The following PCDHGA1 variants were observed in gnomAD, a reference collection of about 807,000 sequenced individuals.
PCDHGA1 encodes protocadherin gamma subfamily A, 1.
Under a neutral mutation model 58.0 loss-of-function variants are expected in PCDHGA1, and 32 were observed. The ratio of observed to expected loss-of-function variants is 0.55; its 90% confidence interval spans 0.42 to 0.74. PCDHGA1 has a LOEUF of 0.74. Among genes scored for constraint, PCDHGA1 ranks in the 30% least tolerant of loss-of-function variants. PCDHGA1 has a pLI of 0.00. For synonymous variants in PCDHGA1, 498 were observed against 501.1 expected (o/e 0.99, Z 0.08); for missense variants, 1,205 against 1,182.3 (o/e 1.02, Z -0.28).
chr5:141,422,661 C>T (rs1289162498), intron 1 of PCDHGA1: 7 of 1,608,938 alleles, frequency 4.4e-6, no homozygotes, highest in Admixed American at 1.7e-5. Flanking sequence ...TGACCGCCCT[C>T]GACCCGGACA....
intron 1 of PCDHGA1, chr5:141,410,849 CTTTT>C (rs759346998): frequency 4.9e-3 from 673 of 137,520 alleles, no homozygotes; most frequent in South Asian, 8.7e-3. Flanking sequence ...TTGTCTTTGT[CTTTT>C]TTTTTTTTTT....
intron 1 of PCDHGA1, among the ~76,000 whole-genome samples, chr5:141,460,653 G>A (rs10058370): frequency 0.17 from 25,559 of 151,914 alleles, 2,196 homozygotes; most frequent in South Asian, 0.22. Flanking sequence ...TTACACATAT[G>A]TAACTGTAAA....
rs761988261 is a variant in PCDHGA1 at position 141,332,211 on chromosome 5, C to T, written c.1527C>T (p.Ser509=). The change falls in exon 1 of 4, where the codon TCC becomes TCT. Residue 509 remains serine (S), a synonymous_variant. Transcript: ENST00000517417. The surrounding 1 kb of genome is among the most constrained non-coding windows in gnomAD (Gnocchi z 4.6). ...APLSAYLSIN[S]DTGVLYALRS... is the part of the protein sequence containing the mutation. ...TATCTGCCTACCTCTCCATCAACTC[C>T]GACACTGGGGTCCTGTATGCGCTGC... 13 of 1,614,092 alleles carry T rather than the reference C, an allele frequency of 8.1e-6. No homozygotes were observed. The highest frequency in any genetic ancestry group is 1.1e-5 in the Non-Finnish European group (13 of 1,180,046).
At chr5:141,404,720 A>C in intron 1 of PCDHGA1, 1 of 1,613,804 alleles carries the variant, frequency 6.2e-7, no homozygotes, top group Non-Finnish European at 8.5e-7. Flanking sequence ...CCTGGTGACC[A>C]AGGTGGTGGC....
At chr5:141,370,453 T>G in intron 1 of PCDHGA1, 1 of 1,611,650 alleles carries the variant, frequency 6.2e-7, no homozygotes, top group Non-Finnish European at 8.5e-7. Flanking sequence ...CTATTTCTCT[T>G]CCTGCTCTCT....
In PCDHGA1 at chr5:141,490,706, T is replaced by C. The variant is rs777636562; in HGVS notation, c.2422-4101T>C. On this transcript the variant is annotated intron_variant, in intron 1 of 3. Coordinates refer to ENST00000517417, the MANE Select transcript of PCDHGA1 (RefSeq NM_018912.3). This position sits in a 1 kb window ranked among gnomAD's most constrained non-coding sequence, Gnocchi z 5.4. ...CCAGACACTGGGGATAATGCCCGCC[T>C]CACCTACTCCATTGTAGGAAATCAG... is the stretch of plus-strand genomic sequence containing the variant. The C allele has an allele frequency of 6.2e-7, 1 of 1,614,074 alleles. No homozygotes were observed. Among genetic ancestry groups the C allele is most frequent in the African/African-American group, 1.3e-5 (1 of 74,948 alleles).
intron 1 of PCDHGA1, chr5:141,361,712 G>A (rs1306730531): frequency 1.9e-6 from 3 of 1,613,282 alleles, no homozygotes; most frequent in Non-Finnish European, 2.5e-6. Context: ...GAGCAGCTGC[G>A]CGCCTTCGAG....
chr5:141,375,526 G>A (rs377448744), intron 1 of PCDHGA1: 1 of 1,614,008 alleles, frequency 6.2e-7, no homozygotes, highest in Non-Finnish European at 8.5e-7. Flanking sequence ...ACCCTGACGT[G>A]GACCAGAACG....
chr5:141,420,244 C>A lies in PCDHGA1; in HGVS notation c.2422-74563C>A, dbSNP rs755775597. On this transcript the variant is annotated intron_variant, in intron 1 of 3. Coordinates refer to ENST00000517417, the MANE Select transcript of PCDHGA1 (RefSeq NM_018912.3). ...TACTGGCTAGCATTTTAACTCCCAGCGTTGAAGCAGATAAGAAGATTCTTA... is the reference window on the plus strand; with the variant it reads ...TACTGGCTAGCATTTTAACTCCCAGAGTTGAAGCAGATAAGAAGATTCTTA... 83 of 1,584,438 alleles carry A rather than the reference C, an allele frequency of 5.2e-5. 1 individual carries two copies. The South Asian group carries it at 9.4e-4, about 18-fold the overall frequency.
intron 1 of PCDHGA1, among the ~76,000 whole-genome samples, chr5:141,465,140 G>A (rs1019369475): frequency 5.3e-5 from 8 of 151,554 alleles, no homozygotes; most frequent in Non-Finnish European, 7.4e-5. Context: ...AAGTTTAGGG[G>A]ATATATGAAG....
At chr5:141,422,503 A>G (rs2096653107) in intron 1 of PCDHGA1, 2 of 1,613,924 alleles carry the variant, frequency 1.2e-6, no homozygotes, top group Non-Finnish European at 1.7e-6. Context: ...GTTGACAGCC[A>G]CAGACCAGGG....
At chr5:141,385,577 T>A in intron 1 of PCDHGA1, 1 of 1,290,108 alleles carries the variant, frequency 7.8e-7, no homozygotes, top group Non-Finnish European at 9.8e-7. Context: ...TACTTTCCAA[T>A]CTATGTTCCA....
In PCDHGA1 at chr5:141,487,829, C is replaced by T. The variant is rs528435429; in HGVS notation, c.2422-6978C>T. On this transcript the variant is annotated intron_variant, in intron 1 of 3. Transcript: ENST00000517417. The surrounding 1 kb of genome is among the most constrained non-coding windows in gnomAD (Gnocchi z 5.0). ...GTTTAGCATTGGGGGCGGGTCATGC[C>T]TATATCTGAGTAAGAAATGAAAGTA... The T allele has an allele frequency of 1.1e-4, 125 of 1,182,994 alleles. No homozygotes were observed. In the Middle Eastern group the frequency reaches 3.7e-3, roughly 35 times the overall value. 73.3% of individuals were successfully genotyped at this position (1,182,994 alleles called of 1,614,324 possible).
At chr5:141,361,494 A>G (rs760056101) in intron 1 of PCDHGA1, 66 of 1,613,860 alleles carry the variant, frequency 4.1e-5, no homozygotes, top group Non-Finnish European at 5.4e-5. Flanking sequence ...CAGTTTTCCA[A>G]CAGACTTCCT....
chr5:141,494,556 T>C (rs909822734), intron 1 of PCDHGA1, among the ~76,000 whole-genome samples: 18 of 152,120 alleles, frequency 1.2e-4, no homozygotes, highest in African/African-American at 4.3e-4. Context: ...GCCATTTCTT[T>C]AGGAAAGGAG....
chr5:141,497,614 A>G (rs1377740795), intron 2 of PCDHGA1, among the ~76,000 whole-genome samples: 1 of 146,530 alleles, frequency 6.8e-6, no homozygotes, highest in Admixed American at 7.0e-5. Context: ...ATCTTGGCTC[A>G]CTGCAACCTC....
intron 1 of PCDHGA1, chr5:141,355,182 A>G: frequency 6.3e-7 from 1 of 1,584,970 alleles, no homozygotes; most frequent in South Asian, 1.1e-5. Flanking sequence ...AGCACAGGCG[A>G]CTCCGCGGCG....
At chr5:141,371,265 C>A in intron 1 of PCDHGA1, 1 of 1,614,024 alleles carries the variant, frequency 6.2e-7, no homozygotes, top group Non-Finnish European at 8.5e-7. Context: ...AGTGAGACAA[C>A]TGTTCAAGCT....
chr5:141,355,540 G>C (rs1357425110), intron 1 of PCDHGA1: 1 of 1,613,966 alleles, frequency 6.2e-7, no homozygotes, highest in Non-Finnish European at 8.5e-7. Flanking sequence ...AGAAGATACA[G>C]TGAAGATTTT....
Sources: gnomAD v4.1 joint callset for allele counts (sites outside exome capture counted in the v4.1 genomes callset) on GRCh38, gnomAD v4.1.1 for gene constraint, Gnocchi (gnomAD v3.1) non-coding constraint, MANE v1.5 for transcripts, NCBI Gene and HGNC (gene_info 2026-07-23, HGNC 2026-07-21) for gene names.